Variants in TTLL6 observed in about 807,000 individuals in gnomAD.
TTLL6 encodes tubulin polyglutamylase TTLL6.
Under a neutral mutation model 96.4 loss-of-function variants are expected in TTLL6, and 75 were observed. That is an observed-to-expected ratio of 0.78 (90% CI 0.65 to 0.94). The LOEUF (loss-of-function observed/expected upper bound fraction) is 0.94. TTLL6 is among the 40% of genes least tolerant of loss of function. The probability of loss-of-function intolerance (pLI) is 0.00; values close to 1 mark genes in which losing one functional copy is unlikely to be tolerated. For missense variants in TTLL6, 1,030 were observed against 1,093.0 expected, an observed-to-expected ratio of 0.94 and a Z score of 0.81; for synonymous variants, 411 against 419.4, an observed-to-expected ratio of 0.98 and a Z score of 0.24.
chr17:48,772,250 C>T (rs1260320536), intron 13 of TTLL6, among the ~76,000 whole-genome samples: 1 of 152,046 alleles, frequency 6.6e-6, no homozygotes, highest in African/African-American at 2.4e-5. Flanking sequence ...GTTGGGAAGC[C>T]AAGGTAGGTG....
At chr17:48,763,575 T>C (rs777852403) in intron 15 of TTLL6, among the ~76,000 whole-genome samples, 5 of 152,132 alleles carry the variant, frequency 3.3e-5, no homozygotes, top group Admixed American at 3.3e-4. Flanking sequence ...GGCAGGTGGA[T>C]CACTTGAGGT....
intron 13 of TTLL6, among the ~76,000 whole-genome samples, chr17:48,778,929 CA>C (rs71144525): frequency 0.3 from 33,243 of 112,320 alleles, 4,726 homozygotes; most frequent in East Asian, 0.73. Flanking sequence ...GACTCCATCT[CA>C]AAAAAAAAAA....
chr17:48,773,490 G>A (rs1329690050), intron 13 of TTLL6, among the ~76,000 whole-genome samples: 1 of 152,084 alleles, frequency 6.6e-6, no homozygotes, highest in Non-Finnish European at 1.5e-5. Context: ...GACAAGCTAA[G>A]GCAGGTGGAT....
Position 48,789,974 on chromosome 17 carries a change from G to A in TTLL6, c.1357C>T (p.Gln453Ter), listed in dbSNP as rs2039186779. 6.2e-7 allele frequency: 1 copy of A among 1,614,088 alleles called. No individual in the cohort carries two copies. The highest frequency in any genetic ancestry group is 8.5e-7 in the Non-Finnish European group (1 of 1,180,042). ...CACTGCTGCAGGAACTGCCCCCGTT[G>A]TCTCTCCTCCTCCAAGACTTTCTTC... The part of the protein sequence containing the change: ...DKKKVLEEER[Q>*]RGQFLQQCCS... Residue 453 changes from glutamine to a stop codon, truncating the protein, a stop_gained, in exon 10 of 16, where the codon CAA becomes TAA. Transcript: ENST00000393382. LOFTEE classifies it high-confidence loss of function.
rs924110250 is a variant in TTLL6 at position 48,797,105 on chromosome 17, G to A, written c.868C>T (p.Arg290Cys). 1.3e-5 allele frequency: 20 copies of A among 1,551,360 alleles called. No individual in the cohort carries two copies. The highest frequency in any genetic ancestry group is 9.6e-5 in the African/African-American group (7 of 72,946). Residue 290 changes from arginine (R) to cysteine (C), a missense_variant, in exon 7 of 16, where the codon CGC becomes TGC. Coordinates refer to ENST00000393382, the MANE Select transcript of TTLL6 (RefSeq NM_001130918.3). Reference protein sequence around the residue: ...RIFVYNEGLARFATTSYSRPC... With the variant: ...RIFVYNEGLACFATTSYSRPC... ...CGGGAGTAAGAGGTCGTCGCAAAGC[G>A]GGCCAGTCCTTCATTGTACACAAAA...
rs181201251 is a variant in TTLL6 at position 48,789,160 on chromosome 17, C to T, written c.1400+771G>A. ...TGGTCTTGTTTTTATACTGGTAATT[C>T]CTAAAGCTTCACTTAGTATTAATTA... On this transcript the variant is annotated intron_variant, in intron 10 of 15. Transcript: ENST00000393382. Among the ~76,000 whole-genome samples, 550 of 151,626 alleles carry T rather than the reference C, an allele frequency of 3.6e-3. 5 individuals carry two copies. The highest frequency in any genetic ancestry group is 4.3e-3 in the Non-Finnish European group (290 of 67,930).
At chr17:48,764,618 C>T (rs1042798337) in intron 15 of TTLL6, among the ~76,000 whole-genome samples, 1 of 152,160 alleles carries the variant, frequency 6.6e-6, no homozygotes, top group Admixed American at 6.6e-5. Context: ...TTCCTTCTTT[C>T]CTTCAACCAT....
intron 1 of TTLL6, among the ~76,000 whole-genome samples, chr17:48,805,939 G>C (rs2143468653): frequency 6.6e-6 from 1 of 152,242 alleles, no homozygotes; most frequent in South Asian, 2.1e-4. Flanking sequence ...GAGAAACCCT[G>C]TCTCTACTAA....
chr17:48,790,698 G>A (rs1262911793), intron 9 of TTLL6, among the ~76,000 whole-genome samples: 1 of 152,174 alleles, frequency 6.6e-6, no homozygotes, highest in Non-Finnish European at 1.5e-5. Context: ...ACAAGGGCTG[G>A]GAATGGAAGA....
At chr17:48,815,063 C>A (rs1365002109) in intron 1 of TTLL6, among the ~76,000 whole-genome samples, 1 of 152,186 alleles carries the variant, frequency 6.6e-6, no homozygotes, top group Non-Finnish European at 1.5e-5. Flanking sequence ...CAAGCATGAG[C>A]CACCGCGCCC....
Position 48,785,211 on chromosome 17 carries a change from G to T in TTLL6, c.1762-10C>A. 6.2e-7 allele frequency: 1 copy of T among 1,614,014 alleles called. No individual in the cohort carries two copies. Among genetic ancestry groups the T allele is most frequent in the Non-Finnish European group, 8.5e-7 (1 of 1,180,036 alleles). ...TCAATGGCTGGATGTACTGAGGGAG[G>T]AAGAAACCACAACACACAGCCATGG... On this transcript the variant is annotated splice_polypyrimidine_tract_variant and intron_variant, in intron 12 of 15. Coordinates refer to ENST00000393382, the MANE Select transcript of TTLL6 (RefSeq NM_001130918.3).
At chr17:48,810,957 G>A (rs771128587) in intron 1 of TTLL6, among the ~76,000 whole-genome samples, 2 of 148,716 alleles carry the variant, frequency 1.3e-5, no homozygotes, top group Non-Finnish European at 3.0e-5. Context: ...ATCAACCAGA[G>A]CTCAGTAATG....
At position 48,782,110 on chromosome 17, in the gene TTLL6, T is replaced by C. The variant is rs7226188; in HGVS notation, c.2040+2813A>G. 6.2e-3 allele frequency among the ~76,000 whole-genome samples: 918 copies of C among 149,076 alleles called. 11 individuals are homozygous for C. The highest frequency in any genetic ancestry group is 0.021 in the African/African-American group (856 of 40,690). On this transcript the variant is annotated intron_variant, in intron 13 of 15. Coordinates refer to ENST00000393382, the MANE Select transcript of TTLL6 (RefSeq NM_001130918.3). ...ATATATATACTTTTTCTTTTCTTTTTTTTTTTTTTTTTTGAGACAGAGTCT... is the reference window on the plus strand; with the variant it reads ...ATATATATACTTTTTCTTTTCTTTTCTTTTTTTTTTTTTGAGACAGAGTCT...
chr17:48,777,318 G>T (rs1260703732), intron 13 of TTLL6, among the ~76,000 whole-genome samples: 1 of 152,184 alleles, frequency 6.6e-6, no homozygotes, highest in East Asian at 1.9e-4. Flanking sequence ...GGAGTGGCCA[G>T]GTGCAGTGGT....
chr17:48,802,984 A>G (rs1032130738), intron 3 of TTLL6, among the ~76,000 whole-genome samples: 1 of 152,066 alleles, frequency 6.6e-6, no homozygotes, highest in East Asian at 1.9e-4. Flanking sequence ...GGCCTGACCA[A>G]CATGGAGAAA....
intron 1 of TTLL6, among the ~76,000 whole-genome samples, chr17:48,808,372 GTA>G (rs1041150848): frequency 4.1e-5 from 6 of 146,528 alleles, no homozygotes; most frequent in Admixed American, 2.7e-4. Context: ...CTTCTCATAT[GTA>G]TGTGTGTGTG....
chr17:48,774,230 G>GTGTT (rs2038820213), intron 13 of TTLL6, among the ~76,000 whole-genome samples: 3 of 117,742 alleles, frequency 2.5e-5, no homozygotes, highest in Admixed American at 1.1e-4. Flanking sequence ...ATCCAGGTTT[G>GTGTT]TTGTTTTTTT....
chr17:48,803,949 G>A (rs748324334), intron 2 of TTLL6, 21 bp from the exon 3 acceptor site: 6 of 1,551,490 alleles, frequency 3.9e-6, no homozygotes, highest in Non-Finnish European at 5.2e-6. Flanking sequence ...AGAGAAAAAG[G>A]AAAGCAGCAA....
rs1174684696 is a variant in TTLL6 at position 48,784,404 on chromosome 17, C to CA, written c.2040+518dup. 1.3e-3 allele frequency among the ~76,000 whole-genome samples: 183 copies of CA among 141,886 alleles called. 1 individual carries two copies. The highest frequency in any genetic ancestry group is 2.5e-3 in the African/African-American group (96 of 38,630). The allele number at this position is 141,886 out of a possible 152,430, so 93.1% of individuals were successfully genotyped here. A position where few individuals can be genotyped will look rare whatever the true frequency, so the allele number is the denominator to read the frequency against. ...TAGGTAACAGAGCCAGACCTTGTCTCAAAAAAAAAAATAAGATACACAGAG... is the reference window on the plus strand; with the variant it reads ...TAGGTAACAGAGCCAGACCTTGTCTCAAAAAAAAAAAATAAGATACACAGAG... On this transcript the variant is annotated intron_variant, in intron 13 of 15. Coordinates refer to ENST00000393382, the MANE Select transcript of TTLL6 (RefSeq NM_001130918.3).
Sources: allele counts gnomAD v4.1 joint callset (sites outside exome capture counted in the v4.1 genomes callset), GRCh38; gene constraint gnomAD v4.1.1; transcripts MANE v1.5; gene names NCBI Gene and HGNC (gene_info 2026-07-23, HGNC 2026-07-21).